The following DIAPH3 variants were observed in gnomAD, a reference collection of about 807,000 sequenced individuals.
The protein encoded by DIAPH3 is protein diaphanous homolog 3.
In DIAPH3, 117 loss-of-function variants were observed where a neutral mutation model predicts 144.3. The observed-to-expected ratio is 0.81, with a 90% CI of 0.70 to 0.95. DIAPH3 has a LOEUF of 0.95. Ranked by LOEUF, DIAPH3 falls within the 40% of genes least tolerant of loss-of-function variation. The probability of loss-of-function intolerance (pLI) is 0.00; values close to 1 mark genes in which losing one functional copy is unlikely to be tolerated. For synonymous variants in DIAPH3, 519 were observed against 488.9 expected (o/e 1.06, Z -0.81); for missense variants, 1,421 against 1,412.7 (o/e 1.01, Z -0.09).
At chr13:60,085,739 C>T (rs2057724950) in intron 4 of DIAPH3, among the ~76,000 whole-genome samples, 1 of 152,114 alleles carries the variant, frequency 6.6e-6, no homozygotes, top group Non-Finnish European at 1.5e-5. Context: ...AGTGTTCCTT[C>T]TTTTAAAAGC....
intron 17 of DIAPH3, among the ~76,000 whole-genome samples, chr13:59,953,609 G>A (rs1566565622): frequency 6.6e-6 from 1 of 152,108 alleles, no homozygotes; most frequent in East Asian, 1.9e-4. Flanking sequence ...AAAGGAAGGG[G>A]CAATGAAATG....
At position 60,105,099 on chromosome 13, in the gene DIAPH3, C is replaced by CAAAAAAAAAAAACA. The variant is rs530311392; in HGVS notation, c.390+6910_390+6911insTGTTTTTTTTTTTT. Among the ~76,000 whole-genome samples the CAAAAAAAAAAAACA allele has an allele frequency of 5.3e-4, 22 of 41,824 alleles. 4 individuals are homozygous for CAAAAAAAAAAAACA. Among genetic ancestry groups the CAAAAAAAAAAAACA allele is most frequent in the African/African-American group, 1.9e-3 (19 of 9,892 alleles). 27.4% of individuals were successfully genotyped at this position (41,824 alleles called of 152,430 possible). ...TGGGCGACAAAGTGAGACACGATCT[C>CAAAAAAAAAAAACA]AAAAAAAAAAAAAAAAAAAAAAAAA... On this transcript the variant is annotated intron_variant, in intron 3 of 27. Transcript: ENST00000400324.
intron 3 of DIAPH3, among the ~76,000 whole-genome samples, chr13:60,098,553 AAT>A (rs1256116603): frequency 6.6e-6 from 1 of 152,222 alleles, no homozygotes; most frequent in Non-Finnish European, 1.5e-5. Context: ...TTGATATTAA[AAT>A]AAGACTTCTT....
chr13:59,969,864 T>C (rs2050255877), intron 17 of DIAPH3, 80 bp downstream of exon 17: 3 of 898,940 alleles, frequency 3.3e-6, no homozygotes, highest in Non-Finnish European at 5.1e-6. Context: ...TAAAATAATG[T>C]TTTCTGAAAA....
At chr13:59,859,396 C>A (rs2043445312) in intron 22 of DIAPH3, among the ~76,000 whole-genome samples, 1 of 152,094 alleles carries the variant, frequency 6.6e-6, no homozygotes, top group African/African-American at 2.4e-5. Flanking sequence ...TACAGTTCTG[C>A]AAGTCCTTAT....
At chr13:59,735,023 A>AT (rs2036074023) in intron 27 of DIAPH3, among the ~76,000 whole-genome samples, 1 of 152,174 alleles carries the variant, frequency 6.6e-6, no homozygotes, top group Non-Finnish European at 1.5e-5. Context: ...AAGAAAAATC[A>AT]TATTTTCTTT....
intron 9 of DIAPH3, among the ~76,000 whole-genome samples, chr13:59,993,862 A>G (rs889519839): frequency 6.6e-6 from 1 of 151,812 alleles, no homozygotes; most frequent in Non-Finnish European, 1.5e-5. Flanking sequence ...CAGCAATGCC[A>G]TATAATTTTT....
intron 21 of DIAPH3, among the ~76,000 whole-genome samples, chr13:59,872,449 C>T (rs1296908462): frequency 6.6e-6 from 1 of 152,174 alleles, no homozygotes; most frequent in Non-Finnish European, 1.5e-5. Flanking sequence ...GATTCTGTAC[C>T]TCCCAATGCT....
chr13:59,685,721 A>T (rs1042234783), intron 27 of DIAPH3, among the ~76,000 whole-genome samples: 2 of 152,130 alleles, frequency 1.3e-5, no homozygotes, highest in Non-Finnish European at 2.9e-5. Context: ...ATAAATAGAG[A>T]TGGAAAAGTG....
chr13:59,846,959 C>T (rs892209760), intron 22 of DIAPH3, among the ~76,000 whole-genome samples: 4 of 152,054 alleles, frequency 2.6e-5, no homozygotes, highest in Admixed American at 1.3e-4. Flanking sequence ...CCTGCCTATA[C>T]TCCTAGTTAC....
intron 17 of DIAPH3, among the ~76,000 whole-genome samples, chr13:59,942,957 TTTAAG>T: frequency 6.6e-6 from 1 of 152,180 alleles, no homozygotes; most frequent in Non-Finnish European, 1.5e-5. Flanking sequence ...TTAATGAGCA[TTTAAG>T]TTGTTTATAA....
At chr13:60,085,771 G>A (rs575001029) in intron 4 of DIAPH3, among the ~76,000 whole-genome samples, 8 of 152,148 alleles carry the variant, frequency 5.3e-5, no homozygotes, top group African/African-American at 1.9e-4. Context: ...TGTATATACA[G>A]ATGTCACATG....
At chr13:59,797,437 G>GTAT (rs1182709370) in intron 25 of DIAPH3, among the ~76,000 whole-genome samples, 1 of 152,150 alleles carries the variant, frequency 6.6e-6, no homozygotes, top group Non-Finnish European at 1.5e-5. Flanking sequence ...AATGAAGGAA[G>GTAT]TATTTCAATG....
At chr13:59,893,120 G>A (rs1394835684) in intron 20 of DIAPH3, among the ~76,000 whole-genome samples, 3 of 152,036 alleles carry the variant, frequency 2.0e-5, no homozygotes, top group Non-Finnish European at 4.4e-5. Context: ...ATAACAAATG[G>A]CAAATACAAA....
intron 4 of DIAPH3, among the ~76,000 whole-genome samples, chr13:60,070,677 T>G (rs1269081346): frequency 6.6e-6 from 1 of 152,184 alleles, no homozygotes; most frequent in Non-Finnish European, 1.5e-5. Flanking sequence ...TTATCTCAAG[T>G]TAGGCTTCTG....
rs2038618685 is a variant in DIAPH3, at chr13:59,779,542, T to C, written c.3164-4719A>G. Among the ~76,000 whole-genome samples, 7 of 151,918 alleles carry C rather than the reference T, an allele frequency of 4.6e-5. No homozygotes were observed. The South Asian group carries it at 1.5e-3, about 32-fold the overall frequency. On this transcript the variant is annotated intron_variant, in intron 25 of 27. Coordinates refer to ENST00000400324, the MANE Select transcript of DIAPH3 (RefSeq NM_001042517.2). ...TTTTTTTTTTTTTGAGATGGAGTCTTGCTCTGTCGCCCAGACTGGAGTGCA... is the reference window on the plus strand; with the variant it reads ...TTTTTTTTTTTTTGAGATGGAGTCTCGCTCTGTCGCCCAGACTGGAGTGCA...
intron 17 of DIAPH3, among the ~76,000 whole-genome samples, chr13:59,940,751 A>G (rs1177316143): frequency 2.6e-5 from 4 of 152,152 alleles, no homozygotes; most frequent in Admixed American, 2.6e-4. Context: ...AAACTAACCC[A>G]TAAGAGGCTA....
At chr13:59,878,051 C>A (rs575257041) in intron 21 of DIAPH3, among the ~76,000 whole-genome samples, 2 of 152,212 alleles carry the variant, frequency 1.3e-5, no homozygotes, top group Non-Finnish European at 2.9e-5. Context: ...TAATGGTTTA[C>A]ATGTGGAAAA....
Position 60,148,934 on chromosome 13 carries a change from C to T in DIAPH3, c.180+14653G>A, listed in dbSNP as rs140094879. Among the ~76,000 whole-genome samples the T allele has an allele frequency of 8.2e-3, 1,242 of 152,292 alleles. 8 individuals carry two copies. Among genetic ancestry groups the T allele is most frequent in the Middle Eastern group, 0.014 (4 of 294 alleles). On this transcript the variant is annotated intron_variant, in intron 1 of 27. Coordinates refer to ENST00000400324, the MANE Select transcript of DIAPH3 (RefSeq NM_001042517.2). ...AATATAAACCTCTTGAAATCAAGGA[C>T]CAAATTGCATCTACCCGTGTGCTAT...
Sources: gnomAD v4.1 joint callset for allele counts (sites outside exome capture counted in the v4.1 genomes callset) on GRCh38, gnomAD v4.1.1 for gene constraint, MANE v1.5 for transcripts, NCBI Gene and HGNC (gene_info 2026-07-23, HGNC 2026-07-21) for gene names.